The following AKR1C8 variants were observed in gnomAD, a reference collection of about 807,000 sequenced individuals.
AKR1C8 encodes the protein aldo-keto reductase family 1 member C8.
the AKR1C8 span, among the ~76,000 whole-genome samples, chr10:5,149,364 T>G: frequency 6.6e-6 from 1 of 152,126 alleles, no homozygotes; most frequent in Non-Finnish European, 1.5e-5. Flanking sequence ...GGCCTGATTA[T>G]TTGCATACAT....
chr10:5,170,484 T>C, the AKR1C8 span, among the ~76,000 whole-genome samples: 1 of 152,240 alleles, frequency 6.6e-6, no homozygotes, highest in Middle Eastern at 3.4e-3. Flanking sequence ...GATGGAACTT[T>C]GTTCCATAGA....
At chr10:5,172,709 T>C in the AKR1C8 span, among the ~76,000 whole-genome samples, 2 of 152,158 alleles carry the variant, frequency 1.3e-5, no homozygotes, top group Admixed American at 6.6e-5. Flanking sequence ...CTAATTTTAC[T>C]GTACTGGTAA....
At chr10:5,159,514 C>T in the AKR1C8 span, among the ~76,000 whole-genome samples, 1 of 152,114 alleles carries the variant, frequency 6.6e-6, no homozygotes, top group Non-Finnish European at 1.5e-5. Context: ...GATCTTCCTA[C>T]CTGTTCCTTT....
At chr10:5,171,247 A>G in the AKR1C8 span, among the ~76,000 whole-genome samples, 1 of 152,112 alleles carries the variant, frequency 6.6e-6, no homozygotes, top group African/African-American at 2.4e-5. Flanking sequence ...GAAGAAGACC[A>G]AAACAAGGCA....
the AKR1C8 span, among the ~76,000 whole-genome samples, chr10:5,138,076 G>A: frequency 5.9e-5 from 9 of 151,392 alleles, no homozygotes; most frequent in Non-Finnish European, 1.5e-5. Context: ...TATGTTCAGC[G>A]GTGCACGTAC....
chr10:5,178,669 T>C, the AKR1C8 span, among the ~76,000 whole-genome samples: 2 of 152,328 alleles, frequency 1.3e-5, no homozygotes, highest in South Asian at 4.1e-4. Flanking sequence ...TGCTCCTGTA[T>C]TGGATGCATA....
the AKR1C8 span, among the ~76,000 whole-genome samples, chr10:5,151,766 A>C: frequency 6.6e-6 from 1 of 152,206 alleles, no homozygotes; most frequent in East Asian, 1.9e-4. Context: ...CATGTTGGCC[A>C]GGCTGGTCTT....
At chr10:5,131,911 A>C in the AKR1C8 span, among the ~76,000 whole-genome samples, 255 of 152,292 alleles carry the variant, frequency 1.7e-3, no homozygotes, top group African/African-American at 5.8e-3. Context: ...GCAATTCACA[A>C]TTGCAAAAAT....
chr10:5,183,500 C>G, the AKR1C8 span, among the ~76,000 whole-genome samples: 1 of 152,114 alleles, frequency 6.6e-6, no homozygotes, highest in Non-Finnish European at 1.5e-5. Flanking sequence ...TAAAAACTAT[C>G]AAACTCTAAA....
chr10:5,123,719 A>C, the AKR1C8 span: 9 of 1,611,274 alleles, frequency 5.6e-6, no homozygotes, highest in Admixed American at 1.3e-4. Context: ...ACCATAGTTC[A>C]TGTCGTTGGG....
the AKR1C8 span, among the ~76,000 whole-genome samples, chr10:5,139,545 T>C: frequency 6.6e-6 from 1 of 152,084 alleles, no homozygotes; most frequent in African/African-American, 2.4e-5. Flanking sequence ...AAACAAGAAA[T>C]GGGGAAAGGA....
the AKR1C8 span, chr10:5,154,657 CCT>C: frequency 6.6e-6 from 1 of 152,452 alleles, no homozygotes; most frequent in Non-Finnish European, 1.5e-5. Context: ...GAAAATGTTT[CCT>C]CTCAGAATCT....
At chr10:5,132,689 G>C in the AKR1C8 span, 1 of 1,586,688 alleles carries the variant, frequency 6.3e-7, no homozygotes, top group East Asian at 2.2e-5. Context: ...CCTCATTATT[G>C]TATAAATGAG....
the AKR1C8 span, among the ~76,000 whole-genome samples, chr10:5,136,008 T>G: frequency 6.6e-6 from 1 of 152,196 alleles, no homozygotes; most frequent in Non-Finnish European, 1.5e-5. Flanking sequence ...GAGTATTAAT[T>G]AACAATGTCT....
the AKR1C8 span, chr10:5,162,978 C>T: frequency 1.9e-6 from 1 of 534,508 alleles, no homozygotes; most frequent in Non-Finnish European, 3.8e-6. Flanking sequence ...AAGCCTACGT[C>T]AATAGCCACT....
the AKR1C8 span, among the ~76,000 whole-genome samples, chr10:5,170,148 G>A: frequency 1.2e-3 from 185 of 152,062 alleles, 1 homozygote; most frequent in African/African-American, 4.3e-3. Flanking sequence ...GATGGTCGGG[G>A]GACTCAGAGG....
the AKR1C8 span, among the ~76,000 whole-genome samples, chr10:5,146,242 G>A: frequency 3.1e-4 from 46 of 150,596 alleles, no homozygotes; most frequent in Admixed American, 2.1e-3. Flanking sequence ...GAGATATACC[G>A]AATGCTAGAT....
chr10:5,159,707 A>G, the AKR1C8 span, among the ~76,000 whole-genome samples: 3 of 152,150 alleles, frequency 2.0e-5, no homozygotes, highest in African/African-American at 7.2e-5. Context: ...CCCCTTCTGA[A>G]GAATTGTGCT....
chr10:5,168,771 A>G, the AKR1C8 span, among the ~76,000 whole-genome samples: 1 of 152,156 alleles, frequency 6.6e-6, no homozygotes, highest in Non-Finnish European at 1.5e-5. Context: ...CCCATTCCCA[A>G]TAACAAGAGA....
Sources: gnomAD v4.1 joint callset for allele counts (sites outside exome capture counted in the v4.1 genomes callset) on GRCh38, gnomAD v4.1.1 for gene constraint, MANE v1.5 for transcripts, NCBI Gene and HGNC (gene_info 2026-07-23, HGNC 2026-07-21) for gene names.